SLC12A7: variants seen among roughly 807,000 people sequenced by gnomAD.
The protein encoded by SLC12A7 is K-Cl cotransporter 4.
Under a neutral mutation model 120.6 loss-of-function variants are expected in SLC12A7, and 100 were observed. That is an observed-to-expected ratio of 0.83 (90% CI 0.71 to 0.98). The LOEUF (loss-of-function observed/expected upper bound fraction) is 0.98. Ranked by LOEUF, SLC12A7 falls within the 50% of genes least tolerant of loss-of-function variation. The pLI, the probability that SLC12A7 is intolerant of heterozygous loss-of-function variation, is 0.00. For missense variants in SLC12A7, 1,373 were observed against 1,548.1 expected (o/e 0.89, Z 1.90); for synonymous variants, 760 against 678.0 (o/e 1.12, Z -1.88).
Position 1,063,937 on chromosome 5 carries a change from G to A in SLC12A7, c.2646C>T (p.Ala882=). 2.5e-6 allele frequency: 4 copies of A among 1,612,564 alleles called. No homozygotes were observed. Among genetic ancestry groups the A allele is most frequent in the Non-Finnish European group, 3.4e-6 (4 of 1,179,830 alleles). ...TCTGGATGCTGTTGTCGTCCACCTG[G>A]GCCACGGTGAAGATACGCATCCGGC... ...RKCRMRIFTV[A]QVDDNSIQMK... is the part of the protein sequence containing the mutation. The change falls in exon 20 of 24, where the codon GCC becomes GCT. Residue 882 remains alanine (A), a synonymous_variant. Coordinates refer to ENST00000264930, the MANE Select transcript of SLC12A7 (RefSeq NM_006598.3).
intron 17 of SLC12A7, among the ~76,000 whole-genome samples, chr5:1,069,040 C>A (rs543793178): frequency 6.6e-6 from 1 of 152,370 alleles, no homozygotes; most frequent in East Asian, 1.9e-4. Context: ...GTGAACATCC[C>A]CCCGAAAACC....
At chr5:1,082,049 CTGGAAAGCCTGGGCTTCCCATCTTG>C (rs1739197957) in intron 8 of SLC12A7, among the ~76,000 whole-genome samples, 1 of 64,338 alleles carries the variant, frequency 1.6e-5, no homozygotes, top group African/African-American at 8.7e-5. Flanking sequence ...GTCTCGGGTT[CTGGAAAGCCTGGGCTTCCCATCTTG>C]GGTTCTGGAA....
chr5:1,077,374 G>A (rs971278753), intron 12 of SLC12A7, among the ~76,000 whole-genome samples: 3 of 152,206 alleles, frequency 2.0e-5, no homozygotes, highest in Admixed American at 6.5e-5. Context: ...AGCCACAATC[G>A]GCAGCTCTGG....
chr5:1,150,316 C>G, the SLC12A7 span, among the ~76,000 whole-genome samples: 1 of 150,562 alleles, frequency 6.6e-6, no homozygotes, highest in East Asian at 2.0e-4. Flanking sequence ...ATGCAGGAGC[C>G]GACATCCATG....
rs772388727 is a variant in SLC12A7, at chr5:1,083,853, G to A, written c.1021C>T (p.Leu341Phe). Residue 341 changes from leucine to phenylalanine, a missense_variant, in exon 8 of 24, where the codon CTC (leucine) becomes TTC (phenylalanine). By Grantham distance (22) the Leu-to-Phe change is conservative. Transcript: ENST00000264930. ...CTGGGCTGGGAGCCGTTGCAGAAGA[G>A]GCCCCAGAGCGCGGAGGTGGCTGAG... Reference protein sequence around the residue: ...NNSATSALWGLFCNGSQPSAA... With the variant: ...NNSATSALWGFFCNGSQPSAA... 6.2e-7 allele frequency: 1 copy of A among 1,608,068 alleles called. No homozygotes were observed. Among genetic ancestry groups the A allele is most frequent in the Admixed American group, 1.7e-5 (1 of 59,724 alleles).
At chr5:1,132,739 C>T in the SLC12A7 span, among the ~76,000 whole-genome samples, 10 of 152,214 alleles carry the variant, frequency 6.6e-5, no homozygotes, top group Admixed American at 4.6e-4. Context: ...GTGTGCCCAG[C>T]TTGCTTCCCT....
the SLC12A7 span, among the ~76,000 whole-genome samples, chr5:1,145,457 T>C: frequency 6.6e-6 from 1 of 152,200 alleles, no homozygotes. This position sits in a 1 kb window ranked among gnomAD's most constrained non-coding sequence, Gnocchi z 4.4. Context: ...CATCGGAGGC[T>C]GCAGGCTGCC....
rs1737961151 is a variant in SLC12A7 at position 1,073,614 on chromosome 5, C to T, written c.2241+19G>A. ...TGGGGTGGGAAAGAGGCCTGGCCCCCAGACCCCGCCCGGCCCACCTCCTCG... is the reference window on the plus strand; with the variant it reads ...TGGGGTGGGAAAGAGGCCTGGCCCCTAGACCCCGCCCGGCCCACCTCCTCG... On this transcript the variant is annotated intron_variant, in intron 17 of 23. Transcript: ENST00000264930. The T allele has an allele frequency of 1.3e-6, 2 of 1,592,194 alleles. No individual in the cohort carries two copies. The highest frequency in any genetic ancestry group is 1.8e-5 in the Admixed American group (1 of 55,450).
At chr5:1,065,216 G>A (rs921681018) in intron 18 of SLC12A7, 67 bp downstream of exon 18, 55 of 1,185,410 alleles carry the variant, frequency 4.6e-5, no homozygotes, top group African/African-American at 3.2e-4. Context: ...AGGGGACAGC[G>A]AGGGGACACT....
At chr5:1,079,340 A>C in intron 10 of SLC12A7, 58 bp downstream of exon 10, 1 of 1,352,996 alleles carries the variant, frequency 7.4e-7, no homozygotes, top group Non-Finnish European at 1.1e-6. Flanking sequence ...CGGGGAGGGC[A>C]TGGGGGCCTC....
chr5:1,067,185 C>T (rs769000323), intron 17 of SLC12A7, among the ~76,000 whole-genome samples: 1 of 152,212 alleles, frequency 6.6e-6, no homozygotes, highest in Non-Finnish European at 1.5e-5. Flanking sequence ...GGACAGGGTG[C>T]AGGGCCAGCA....
intron 7 of SLC12A7, 103 bp downstream of exon 7, chr5:1,085,129 C>T (rs374297560): frequency 7.0e-5 from 104 of 1,477,630 alleles, no homozygotes; most frequent in South Asian, 6.5e-4. Flanking sequence ...CCACCCCTTG[C>T]GGGGAGCTCG....
intron 20 of SLC12A7, among the ~76,000 whole-genome samples, chr5:1,061,146 C>T (rs1419074765): frequency 7.6e-5 from 3 of 39,240 alleles, no homozygotes; most frequent in African/African-American, 1.2e-4. Flanking sequence ...TGCGTCTCAC[C>T]CGCCGCACCC....
intron 17 of SLC12A7, among the ~76,000 whole-genome samples, chr5:1,067,114 T>TC (rs1311130868): frequency 6.6e-6 from 1 of 152,048 alleles, no homozygotes; most frequent in Non-Finnish European, 1.5e-5. Flanking sequence ...CAGGCACCCC[T>TC]CGTCCTTACC....
rs767578960 is a variant in SLC12A7, at chr5:1,057,618, G to T, written c.2879C>A (p.Ser960Tyr). The T allele has an allele frequency of 6.2e-7, 1 of 1,604,532 alleles. No individual in the cohort carries two copies. Among genetic ancestry groups the T allele is most frequent in the South Asian group, 1.1e-5 (1 of 90,986 alleles). ...GGTCCTGGCTGCCGCCGCGGTGTGG[G>T]ACGCGGTGTTCCTGTCGTGGATCAG... ...AQLIHDRNTASHTAAAARTQA... is the reference protein window; with the variant it reads ...AQLIHDRNTAYHTAAAARTQA... The change falls in exon 22 of 24, where the codon TCC (serine) becomes TAC (tyrosine). Residue 960 changes from serine (S) to tyrosine (Y), a missense_variant. Ser to Tyr is a moderately radical substitution (Grantham distance 144). Transcript: ENST00000264930.
chr5:1,080,360 C>T (rs1363969688), intron 9 of SLC12A7, among the ~76,000 whole-genome samples: 6 of 152,134 alleles, frequency 3.9e-5, no homozygotes, highest in Non-Finnish European at 5.9e-5. Context: ...CTCAGACGGA[C>T]GGGGGAGGCT....
rs1561035858 is a variant in SLC12A7, at chr5:1,061,447, CGTGCGGG to C, written c.2740-1003_2740-997del. ...CCTGCGTCTCACCCACCGCACCCGC[CGTGCGGG>C]ATCCCTGAGTCTCACCCGCCGCACC... On this transcript the variant is annotated intron_variant, in intron 20 of 23. Coordinates refer to ENST00000264930, the MANE Select transcript of SLC12A7 (RefSeq NM_006598.3). 6.3e-4 allele frequency among the ~76,000 whole-genome samples: 44 copies of C among 70,024 alleles called. 4 individuals are homozygous for C. The highest frequency in any genetic ancestry group is 1.3e-3 in the Non-Finnish European group (39 of 30,124). The allele number at this position is 70,024 out of a possible 152,430, so 45.9% of individuals were successfully genotyped here. A position where few individuals can be genotyped will look rare whatever the true frequency, so the allele number is the denominator to read the frequency against.
intron 8 of SLC12A7, among the ~76,000 whole-genome samples, chr5:1,082,634 C>T (rs1253084359): frequency 4.3e-5 from 6 of 139,264 alleles, no homozygotes; most frequent in Middle Eastern, 4.1e-3. Context: ...CTGGAAAGTC[C>T]GGGCTTCCCC....
intron 22 of SLC12A7, chr5:1,056,574 G>A (rs1735634506): frequency 1.0e-6 from 1 of 985,368 alleles, no homozygotes; most frequent in Non-Finnish European, 1.2e-6. Context: ...TGTAGCGAGT[G>A]GACTTACAGG....
Sources: gnomAD v4.1 joint callset for allele counts (sites outside exome capture counted in the v4.1 genomes callset) on GRCh38, gnomAD v4.1.1 for gene constraint, Gnocchi (gnomAD v3.1) non-coding constraint, MANE v1.5 for transcripts, NCBI Gene and HGNC (gene_info 2026-07-23, HGNC 2026-07-21) for gene names.